The following CCNY variants were observed in gnomAD, a reference collection of about 807,000 sequenced individuals.
CCNY encodes the protein cyclin Y, also known as cyclin-Y.
CCNY carries 19 observed loss-of-function variants against 42.8 expected under a neutral mutation model. The observed-to-expected ratio is 0.44, with a 90% CI of 0.31 to 0.65. CCNY has a LOEUF of 0.65. Among genes scored for constraint, CCNY ranks in the 30% least tolerant of loss-of-function variants. The probability of loss-of-function intolerance (pLI) is 0.07; values close to 1 mark genes in which losing one functional copy is unlikely to be tolerated. For synonymous variants in CCNY, 165 were observed against 162.7 expected (o/e 1.01, Z -0.11); for missense variants, 370 against 437.3 (o/e 0.85, Z 1.37).
rs1452113928 is a variant in CCNY, at chr10:35,571,911, G to A, written c.*2741G>A. 1 of 151,870 alleles carries A rather than the reference G, an allele frequency of 6.6e-6. No homozygotes were observed. Among genetic ancestry groups the A allele is most frequent in the Admixed American group, 6.6e-5 (1 of 15,230 alleles). The allele number at this position is 151,870 out of a possible 1,614,324, so 9.4% of individuals were successfully genotyped here. The stretch of plus-strand genomic sequence containing the variant: ...ATTTAAACAACAAATAAAGTCATTG[G>A]GACAATAAATATATATCCCGATGAA... On this transcript the variant is annotated 3_prime_UTR_variant, in exon 10 of 10. Transcript: ENST00000374704.
intron 3 of CCNY, among the ~76,000 whole-genome samples, chr10:35,502,199 A>G (rs1405591443): frequency 2.0e-5 from 3 of 152,148 alleles, no homozygotes; most frequent in Non-Finnish European, 4.4e-5. Context: ...TCCACACCCT[A>G]TATACCAGGC....
chr10:35,465,045 GA>G (rs1345563262), intron 1 of CCNY, among the ~76,000 whole-genome samples: 5 of 152,176 alleles, frequency 3.3e-5, no homozygotes, highest in Admixed American at 2.0e-4. Flanking sequence ...GTTGCTAGGA[GA>G]TTCTTTCTTT....
intron 1 of CCNY, among the ~76,000 whole-genome samples, chr10:35,424,331 A>T (rs766332847): frequency 6.6e-6 from 1 of 152,122 alleles, no homozygotes; most frequent in Non-Finnish European, 1.5e-5. Context: ...GTTTCAAGCG[A>T]TTCTCCTGCC....
chr10:35,442,369 T>G (rs777447803), intron 1 of CCNY, among the ~76,000 whole-genome samples: 1 of 152,246 alleles, frequency 6.6e-6, no homozygotes, highest in Non-Finnish European at 1.5e-5. Context: ...CACAGTTTAT[T>G]AGCCATCTGC....
intron 4 of CCNY, among the ~76,000 whole-genome samples, chr10:35,521,403 G>T (rs1314008515): frequency 2.0e-5 from 3 of 152,158 alleles, no homozygotes; most frequent in African/African-American, 7.2e-5. Flanking sequence ...GGTAAACTTG[G>T]ATTTGATAAG....
intron 3 of CCNY, among the ~76,000 whole-genome samples, chr10:35,317,646 T>C (rs1411708668): frequency 6.6e-6 from 1 of 152,194 alleles, no homozygotes; most frequent in Non-Finnish European, 1.5e-5. Context: ...AGAGAGCACA[T>C]TTCCTTGAGA....
intron 1 of CCNY, among the ~76,000 whole-genome samples, chr10:35,450,620 A>G (rs1018994534): frequency 6.6e-5 from 10 of 151,648 alleles, no homozygotes; most frequent in African/African-American, 2.2e-4. Context: ...GGTTCCCATC[A>G]TTGTGGAGCT....
intron 1 of CCNY, among the ~76,000 whole-genome samples, chr10:35,397,594 C>A (rs116738105): frequency 1.3e-5 from 2 of 152,086 alleles, no homozygotes; most frequent in Admixed American, 1.3e-4. Flanking sequence ...AATAACACTT[C>A]TTCTAAGGTC....
At chr10:35,458,266 T>A (rs1249085513) in intron 1 of CCNY, among the ~76,000 whole-genome samples, 2 of 152,224 alleles carry the variant, frequency 1.3e-5, no homozygotes, top group East Asian at 3.8e-4. Context: ...CGTGTTGATG[T>A]GATGACTTGG....
chr10:35,272,563 C>T (rs897327165), intron 3 of CCNY, among the ~76,000 whole-genome samples: 13 of 152,162 alleles, frequency 8.5e-5, no homozygotes, highest in Non-Finnish European at 1.8e-4. Flanking sequence ...GGATAATGGC[C>T]TTCAGCTGTA....
At chr10:35,318,226 C>CTAAATAAATAAATAAA (rs550041080) in intron 3 of CCNY, among the ~76,000 whole-genome samples, 2 of 151,052 alleles carry the variant, frequency 1.3e-5, no homozygotes, top group African/African-American at 2.4e-5. Flanking sequence ...GACCCTATTT[C>CTAAATAAATAAATAAA]TAAATAAATA....
chr10:35,436,566 C>T (rs1203268677), intron 1 of CCNY, among the ~76,000 whole-genome samples: 6 of 152,280 alleles, frequency 3.9e-5, no homozygotes, highest in Non-Finnish European at 5.9e-5. Flanking sequence ...GGATCTCTGA[C>T]TTGTGGCAGA....
chr10:35,444,748 A>T (rs1272732915), intron 1 of CCNY, among the ~76,000 whole-genome samples: 6 of 152,334 alleles, frequency 3.9e-5, no homozygotes, highest in East Asian at 1.9e-4. Flanking sequence ...TTGTTTTAAA[A>T]TTTTTTGCAA....
intron 2 of CCNY, among the ~76,000 whole-genome samples, chr10:35,494,473 A>G (rs1431412413): frequency 6.6e-6 from 1 of 152,198 alleles, no homozygotes; most frequent in African/African-American, 2.4e-5. Flanking sequence ...CTAGTGGTAG[A>G]GTAAATGTAA....
At chr10:35,508,233 ATCTGTCCATCTG>A (rs1404084633) in intron 3 of CCNY, among the ~76,000 whole-genome samples, 1 of 152,056 alleles carries the variant, frequency 6.6e-6, no homozygotes, top group African/African-American at 2.4e-5. Context: ...TTCTCTTCCC[ATCTGTCCATCTG>A]TCTGTCCATC....
intron 3 of CCNY, among the ~76,000 whole-genome samples, chr10:35,281,476 G>A (rs895463634): frequency 6.6e-6 from 1 of 151,324 alleles, no homozygotes; most frequent in Non-Finnish European, 1.5e-5. Context: ...ATTTTTTTTT[G>A]TATTTTTAGT....
intron 5 of CCNY, among the ~76,000 whole-genome samples, chr10:35,528,660 G>A (rs1022993083): frequency 1.3e-5 from 2 of 152,198 alleles, no homozygotes; most frequent in African/African-American, 4.8e-5. Flanking sequence ...GGGAGGTGGA[G>A]GTTGCAGTGA....
At position 35,571,094 on chromosome 10, in the gene CCNY, G is replaced by A. The variant is rs909697173; in HGVS notation, c.*1924G>A. On this transcript the variant is annotated 3_prime_UTR_variant, in exon 10 of 10. Transcript: ENST00000374704. ...TTCCCTAATCTATATAGCTGAAAAA[G>A]GGTTGTATTTTCTTAGCTGAATATG... is the stretch of plus-strand genomic sequence containing the variant. 4.6e-5 allele frequency: 7 copies of A among 152,070 alleles called. No homozygotes were observed. Among genetic ancestry groups the A allele is most frequent in the Non-Finnish European group, 8.8e-5 (6 of 68,004 alleles). The allele number at this position is 152,070 out of a possible 1,614,324, so 9.4% of individuals were successfully genotyped here. A position where few individuals can be genotyped will look rare whatever the true frequency, so the allele number is the denominator to read the frequency against.
intron 1 of CCNY, among the ~76,000 whole-genome samples, chr10:35,440,069 GGCCTCACACTCA>G (rs1369533251): frequency 6.6e-6 from 1 of 152,148 alleles, no homozygotes. Flanking sequence ...CAAAAGTTTA[GGCCTCACACTCA>G]GCCTTTGTTG....
Sources: allele counts gnomAD v4.1 joint callset (sites outside exome capture counted in the v4.1 genomes callset), GRCh38; gene constraint gnomAD v4.1.1; transcripts MANE v1.5; gene names NCBI Gene and HGNC (gene_info 2026-07-23, HGNC 2026-07-21).